PDLIM5: variants seen among roughly 807,000 people sequenced by gnomAD.
PDLIM5 encodes PDZ and LIM domain protein 5.
Under a neutral mutation model 64.2 loss-of-function variants are expected in PDLIM5, and 34 were observed. The observed-to-expected ratio is 0.53, with a 90% confidence interval of 0.40 to 0.71. The LOEUF (loss-of-function observed/expected upper bound fraction) is 0.71, where lower values mean the gene tolerates loss of function less well. PDLIM5 is among the 30% of genes least tolerant of loss of function. PDLIM5 has a pLI of 0.00. For missense variants in PDLIM5, 683 were observed against 733.6 expected (o/e 0.93, Z 0.80); for synonymous variants, 253 against 269.1 (o/e 0.94, Z 0.59).
chr4:94,662,584 T>G (rs775786803), intron 12 of PDLIM5, 47 bp downstream of exon 12: 1 of 781,308 alleles, frequency 1.3e-6, no homozygotes, highest in East Asian at 2.6e-5. Flanking sequence ...GTATGGCCAA[T>G]TCTAGCTTTA....
intron 3 of PDLIM5, among the ~76,000 whole-genome samples, chr4:94,541,363 G>A (rs1350220795): frequency 6.6e-6 from 1 of 152,012 alleles, no homozygotes; most frequent in African/African-American, 2.4e-5. Flanking sequence ...CCACTTGATG[G>A]GTGCTAAAAT....
chr4:94,627,478 A>G (rs975635012), intron 8 of PDLIM5, among the ~76,000 whole-genome samples: 3 of 152,320 alleles, frequency 2.0e-5, no homozygotes, highest in African/African-American at 7.2e-5. Context: ...ATTTGTTCAT[A>G]TATGCTTTTC....
chr4:94,472,481 C>T (rs1270813159), intron 2 of PDLIM5, among the ~76,000 whole-genome samples: 3 of 152,128 alleles, frequency 2.0e-5, no homozygotes, highest in Non-Finnish European at 4.4e-5. Flanking sequence ...GAATAGTTTT[C>T]TGCAGTGAAG....
At chr4:94,569,959 T>C (rs1734671467) in intron 3 of PDLIM5, among the ~76,000 whole-genome samples, 1 of 152,146 alleles carries the variant, frequency 6.6e-6, no homozygotes, top group Non-Finnish European at 1.5e-5. Flanking sequence ...CTTCCATCCA[T>C]TGGTTCTCTG....
intron 3 of PDLIM5, among the ~76,000 whole-genome samples, chr4:94,539,400 G>T (rs1469167442): frequency 6.6e-6 from 1 of 152,078 alleles, no homozygotes; most frequent in Non-Finnish European, 1.5e-5. Flanking sequence ...AAGAGGATTG[G>T]GGCCACAGAG....
chr4:94,587,283 C>CA (rs5860368), intron 7 of PDLIM5: 316,420 of 1,064,458 alleles, frequency 0.3, 10,329 homozygotes, highest in South Asian at 0.4. Context: ...AATGTAAAAC[C>CA]AAAAAAAAAA....
chr4:94,536,866 A>G (rs987806086), intron 3 of PDLIM5, among the ~76,000 whole-genome samples: 12 of 152,202 alleles, frequency 7.9e-5, no homozygotes, highest in Non-Finnish European at 1.8e-4. Flanking sequence ...TATAGTCTCA[A>G]AGACTGAAAT....
At position 94,575,804 on chromosome 4, in the gene PDLIM5, T is replaced by C; in HGVS notation, c.480T>C (p.His160=). The C allele has an allele frequency of 6.2e-7, 1 of 1,614,092 alleles. No homozygotes were observed. Among genetic ancestry groups the C allele is most frequent in the Non-Finnish European group, 8.5e-7 (1 of 1,179,978 alleles). The change falls in exon 5 of 13, where the codon CAT becomes CAC. Residue 160 remains histidine (H), a synonymous_variant. Transcript: ENST00000317968. ...FTPAHATTSS[H]ASPSPVAAVT... is the part of the protein sequence containing the mutation. Reference sequence around the variant, plus strand: ...CAGCCCATGCGACCACCTCATCACATGCTTCCCCTTCACCCGTGGCTGCCG... The same window carrying C: ...CAGCCCATGCGACCACCTCATCACACGCTTCCCCTTCACCCGTGGCTGCCG...
chr4:94,664,669 A>G lies in PDLIM5; in HGVS notation c.*602A>G, dbSNP rs1193522545. The G allele has an allele frequency of 9.7e-6, 2 of 206,986 alleles. No individual in the cohort carries two copies. The highest frequency in any genetic ancestry group is 1.7e-5 in the Non-Finnish European group (2 of 118,424). The allele number at this position is 206,986 out of a possible 1,614,324, so 12.8% of individuals were successfully genotyped here. ...TGGACCACATGAGGTCAGGAGTTTG[A>G]GATCAGCCTGGCCAACATGGTGAAA... is the stretch of plus-strand genomic sequence containing the variant. On this transcript the variant is annotated 3_prime_UTR_variant, in exon 13 of 13. Coordinates refer to ENST00000317968, the MANE Select transcript of PDLIM5 (RefSeq NM_006457.5).
intron 3 of PDLIM5, among the ~76,000 whole-genome samples, chr4:94,528,632 A>G (rs1730585834): frequency 1.3e-5 from 2 of 152,298 alleles, no homozygotes; most frequent in East Asian, 1.9e-4. Context: ...AACTCTTACT[A>G]TGTGCCGGGC....
In PDLIM5 at chr4:94,657,493, C is replaced by A; in HGVS notation, c.1531C>A (p.Pro511Thr). 1 of 1,608,398 alleles carries A rather than the reference C, an allele frequency of 6.2e-7. No individual in the cohort carries two copies. The highest frequency in any genetic ancestry group is 1.1e-5 in the South Asian group (1 of 90,904). Residue 511 changes from proline (P) to threonine (T), a missense_variant, in exon 11 of 13, where the codon CCC becomes ACC. Pro to Thr is a conservative substitution (Grantham distance 38, BLOSUM62 -1). Transcript: ENST00000317968. The stretch of plus-strand genomic sequence containing the variant: ...TTTTGTGTGTGTAGCCTGTGGAAAG[C>A]CCATTCGGAACAATGTTTTTCACTT... The part of the protein sequence containing the change: ...SCFVCVACGK[P>T]IRNNVFHLED...
chr4:94,564,209 C>T (rs530284774), intron 3 of PDLIM5, among the ~76,000 whole-genome samples: 1 of 151,934 alleles, frequency 6.6e-6, no homozygotes, highest in Admixed American at 6.5e-5. Context: ...TGATCCACCC[C>T]CCTTGGCCTC....
At chr4:94,590,947 C>T (rs1283826148) in intron 7 of PDLIM5, among the ~76,000 whole-genome samples, 3 of 151,948 alleles carry the variant, frequency 2.0e-5, no homozygotes, top group African/African-American at 7.3e-5. Context: ...TTGGTACCAG[C>T]CCTGATTATT....
At chr4:94,586,584 G>T in intron 7 of PDLIM5, 140 bp downstream of exon 7, 1 of 617,000 alleles carries the variant, frequency 1.6e-6, no homozygotes, top group East Asian at 2.7e-5. Flanking sequence ...GGTGCCTTTT[G>T]TGTGACCTAA....
chr4:94,482,176 A>AT (rs1353330059), intron 2 of PDLIM5, among the ~76,000 whole-genome samples: 1 of 144,688 alleles, frequency 6.9e-6, no homozygotes, highest in African/African-American at 2.6e-5. Context: ...TTATTTATTT[A>AT]TTTTTTTTAA....
intron 9 of PDLIM5, among the ~76,000 whole-genome samples, chr4:94,648,182 G>A (rs570301068): frequency 2.0e-5 from 3 of 151,360 alleles, no homozygotes; most frequent in Admixed American, 6.6e-5. Flanking sequence ...GAATGAAATC[G>A]AGAATTTAAA....
At chr4:94,493,179 G>T (rs1192096438) in intron 2 of PDLIM5, among the ~76,000 whole-genome samples, 8 of 152,070 alleles carry the variant, frequency 5.3e-5, no homozygotes, top group African/African-American at 1.9e-4. Flanking sequence ...TTGCTATTCG[G>T]ATCTTTTGCC....
In PDLIM5 at chr4:94,523,707, A is replaced by G. The variant is rs780899477; in HGVS notation, c.97-17A>G. ...TTTTCAAAGAGTGACACTCCTAATG[A>G]AATATATTTATTACAGCTAAAAGAT... On this transcript the variant is annotated splice_polypyrimidine_tract_variant and intron_variant, in intron 2 of 12. Coordinates refer to ENST00000317968, the MANE Select transcript of PDLIM5 (RefSeq NM_006457.5). 1.4e-5 allele frequency: 22 copies of G among 1,601,288 alleles called. No homozygotes were observed. Among genetic ancestry groups the G allele is most frequent in the Non-Finnish European group, 1.9e-5 (22 of 1,170,216 alleles).
In PDLIM5 at chr4:94,585,831, G is replaced by A. The variant is rs903029929; in HGVS notation, c.883+94G>A. On this transcript the variant is annotated intron_variant, in intron 6 of 12. Coordinates refer to ENST00000317968, the MANE Select transcript of PDLIM5 (RefSeq NM_006457.5). ...TTGGTAGTTGTCAGAAAACAACCCC[G>A]AGACAGTTTGCTTTTAAATTATGCT... 6 of 923,414 alleles carry A rather than the reference G, an allele frequency of 6.5e-6. No homozygotes were observed. In the African/African-American group the frequency reaches 6.6e-5, roughly 10 times the overall value. The allele number at this position is 923,414 out of a possible 1,614,324, so 57.2% of individuals were successfully genotyped here.
Sources: gnomAD v4.1 joint callset for allele counts (sites outside exome capture counted in the v4.1 genomes callset) on GRCh38, gnomAD v4.1.1 for gene constraint, MANE v1.5 for transcripts, NCBI Gene and HGNC (gene_info 2026-07-23, HGNC 2026-07-21) for gene names.